The following ABCC1 variants were observed in gnomAD, a reference collection of about 807,000 sequenced individuals.
ABCC1 encodes ATP binding cassette subfamily C member 1 (ABCC1 blood group), also known as multidrug resistance-associated protein 1.
ABCC1 carries 83 observed loss-of-function variants against 172.9 expected under a neutral mutation model. That is an observed-to-expected ratio of 0.48 (90% CI 0.40 to 0.58). ABCC1 has a LOEUF of 0.58. ABCC1 is among the 20% of genes least tolerant of loss of function. The pLI is 0.00. For synonymous variants in ABCC1, 937 were observed against 825.2 expected (o/e 1.14, Z -2.32); for missense variants, 1,817 against 2,002.7 (o/e 0.91, Z 1.77).
intron 18 of ABCC1, among the ~76,000 whole-genome samples, chr16:16,090,161 C>T (rs1338578596): frequency 6.6e-6 from 1 of 152,184 alleles, no homozygotes; most frequent in Non-Finnish European, 1.5e-5. Flanking sequence ...TTTCCTTCCC[C>T]TTCCCCAGCT....
At chr16:15,996,120 G>A (rs920402571) in intron 1 of ABCC1, among the ~76,000 whole-genome samples, 7 of 151,720 alleles carry the variant, frequency 4.6e-5, no homozygotes, top group African/African-American at 1.7e-4. Context: ...GAGTAGCTGG[G>A]ACTACAGGCG....
chr16:16,101,490 T>C (rs1310803251), intron 19 of ABCC1, among the ~76,000 whole-genome samples: 1 of 152,236 alleles, frequency 6.6e-6, no homozygotes, highest in East Asian at 1.9e-4. Flanking sequence ...TGCAAGATTT[T>C]GCATTTTTGA....
At chr16:16,068,382 G>A (rs1398843135) in intron 13 of ABCC1, 80 bp downstream of exon 13, 19 of 1,532,676 alleles carry the variant, frequency 1.2e-5, no homozygotes, top group Admixed American at 3.4e-5. Context: ...GCCCCCGAGC[G>A]CAGCCTCTAG....
intron 11 of ABCC1, 42 bp from the exon 12 acceptor site, chr16:16,056,050 C>A (rs777629893): frequency 6.3e-7 from 1 of 1,579,438 alleles, no homozygotes; most frequent in East Asian, 2.2e-5. Context: ...TGGGCTGATC[C>A]CAGGGTCGCC....
At chr16:16,029,378 A>G (rs2048485763) in intron 5 of ABCC1, among the ~76,000 whole-genome samples, 2 of 152,014 alleles carry the variant, frequency 1.3e-5, no homozygotes, top group South Asian at 2.1e-4. Flanking sequence ...ACGTGCCACC[A>G]TGTCCGGCCA....
rs1036369800 is a variant in ABCC1 at position 16,024,459 on chromosome 16, C to G, written c.615+7838C>G. ...CTCCACCTCCGGGGCTCAAGCGATC[C>G]TCCCACCTCAGCCTCGCAAGTAGCT... On this transcript the variant is annotated intron_variant, in intron 5 of 30. Transcript: ENST00000399410. Among the ~76,000 whole-genome samples, 5 of 152,308 alleles carry G rather than the reference C, an allele frequency of 3.3e-5. No homozygotes were observed. In the South Asian group the frequency reaches 6.2e-4, roughly 19 times the overall value.
chr16:15,995,112 CAA>C (rs1206729249), intron 1 of ABCC1, among the ~76,000 whole-genome samples: 1 of 151,760 alleles, frequency 6.6e-6, no homozygotes, highest in East Asian at 2.0e-4. Context: ...GCCTGGGCAA[CAA>C]GAGCGAAACT....
chr16:16,121,875 A>C, intron 23 of ABCC1, 100 bp from the exon 24 acceptor site: 1 of 1,304,714 alleles, frequency 7.7e-7, no homozygotes, highest in Non-Finnish European at 1.1e-6. Flanking sequence ...TGCCTCCTGG[A>C]GGTATCGGTT....
chr16:15,950,764 C>T (rs1266044362), intron 1 of ABCC1, among the ~76,000 whole-genome samples: 1 of 152,158 alleles, frequency 6.6e-6, no homozygotes, highest in Non-Finnish European at 1.5e-5. Context: ...TTTCTCTCTC[C>T]TCTTTTGTTT....
At chr16:15,990,625 A>T (rs1190769194) in intron 1 of ABCC1, among the ~76,000 whole-genome samples, 2 of 151,788 alleles carry the variant, frequency 1.3e-5, no homozygotes, top group Admixed American at 1.3e-4. Context: ...CTCCAGGCGC[A>T]TCCATGTTGT....
intron 2 of ABCC1, 83 bp from the exon 3 acceptor site, chr16:16,009,693 C>A (rs934086686): frequency 7.1e-6 from 10 of 1,403,128 alleles, no homozygotes; most frequent in Admixed American, 5.1e-5. Context: ...GTTCTCCTAT[C>A]CCTGGGGCTG....
intron 19 of ABCC1, among the ~76,000 whole-genome samples, chr16:16,095,868 T>C (rs2051452440): frequency 6.6e-6 from 1 of 152,172 alleles, no homozygotes; most frequent in Admixed American, 6.5e-5. Context: ...GAACCATCTG[T>C]TAACCTCATG....
chr16:16,125,924 C>A lies in ABCC1; in HGVS notation c.3819+13C>A, dbSNP rs773859131. ...GACTGAGAAGGAGGTAGGCAAGGGC[C>A]CCTGGCTGGACCTCTTGGTCTTTGG... On this transcript the variant is annotated intron_variant, in intron 26 of 30. Transcript: ENST00000399410. The A allele has an allele frequency of 6.2e-7, 1 of 1,605,176 alleles. No homozygotes were observed. The highest frequency in any genetic ancestry group is 8.5e-7 in the Non-Finnish European group (1 of 1,172,530).
intron 10 of ABCC1, among the ~76,000 whole-genome samples, chr16:16,051,345 A>AT (rs1192487757): frequency 5.3e-5 from 8 of 151,116 alleles, no homozygotes; most frequent in Non-Finnish European, 1.2e-4. Flanking sequence ...TAAGTTATTT[A>AT]TTTTTTTGTA....
chr16:16,114,707 T>C (rs950405723), intron 22 of ABCC1, 59 bp from the exon 23 acceptor site: 3 of 1,513,646 alleles, frequency 2.0e-6, no homozygotes, highest in East Asian at 2.3e-5. Flanking sequence ...CACTCCTCCC[T>C]GCAGTGCCTG....
chr16:16,042,404 T>C (rs983697895), intron 7 of ABCC1, among the ~76,000 whole-genome samples: 5 of 152,034 alleles, frequency 3.3e-5, no homozygotes, highest in African/African-American at 1.2e-4. Flanking sequence ...CTAAGTGATG[T>C]ACAAGAACGA....
At chr16:16,135,104 T>G (rs1169504124) in intron 28 of ABCC1, among the ~76,000 whole-genome samples, 1 of 152,188 alleles carries the variant, frequency 6.6e-6, no homozygotes, top group Admixed American at 6.5e-5. Flanking sequence ...CACCGTCTTC[T>G]CTCTCTGCTG....
At chr16:16,013,270 G>GTTTTT (rs35420214) in intron 3 of ABCC1, among the ~76,000 whole-genome samples, 3 of 145,796 alleles carry the variant, frequency 2.1e-5, no homozygotes, top group African/African-American at 2.5e-5. Flanking sequence ...GCCAGCACAT[G>GTTTTT]TTTTTTTTTT....
chr16:15,957,397 A>G (rs760562836), intron 1 of ABCC1, among the ~76,000 whole-genome samples: 27 of 151,628 alleles, frequency 1.8e-4, no homozygotes, highest in Non-Finnish European at 3.8e-4. Context: ...AACAGCTTCT[A>G]TTTCATCTTG....
Sources: gnomAD v4.1 joint callset for allele counts (sites outside exome capture counted in the v4.1 genomes callset) on GRCh38, gnomAD v4.1.1 for gene constraint, MANE v1.5 for transcripts, NCBI Gene and HGNC (gene_info 2026-07-23, HGNC 2026-07-21) for gene names.